The following FXYD3 variants were observed in gnomAD, a reference collection of about 807,000 sequenced individuals.
FXYD3 encodes the protein FXYD domain containing ion transport regulator 3.
A neutral mutation model predicts 19.2 loss-of-function variants in FXYD3; 13 were observed. The observed-to-expected ratio is 0.68, with a 90% confidence interval of 0.44 to 1.08. The LOEUF (loss-of-function observed/expected upper bound fraction) is 1.08, where lower values mean the gene tolerates loss of function less well. Ranked by LOEUF, FXYD3 falls within the 50% of genes least tolerant of loss-of-function variation. The pLI, the probability that FXYD3 is intolerant of heterozygous loss-of-function variation, is 0.00. For synonymous variants in FXYD3, 48 were observed against 38.9 expected (o/e 1.23, Z -0.87); for missense variants, 101 against 109.4 (o/e 0.92, Z 0.34).
chr19:35,117,342 G>T (rs1194862570), intron 2 of FXYD3: 6 of 1,509,898 alleles, frequency 4.0e-6, no homozygotes, highest in Middle Eastern at 1.7e-4. Context: ...GCAGGCCAGA[G>T]GTGGCTTGGA....
intron 8 of FXYD3, 36 bp downstream of exon 8, chr19:35,123,344 G>A (rs921936): frequency 2.5e-6 from 4 of 1,604,944 alleles, no homozygotes; most frequent in Non-Finnish European, 3.4e-6. Context: ...GGGGAACACG[G>A]AAGTGGTGTG....
At chr19:35,118,522 A>T (rs1179451863) in intron 2 of FXYD3, 1 of 988,896 alleles carries the variant, frequency 1.0e-6, no homozygotes, top group Non-Finnish European at 1.2e-6. Context: ...GGAGAGAGAA[A>T]CGAGTTCCTT....
Position 35,122,818 on chromosome 19 carries a change from A to G in FXYD3, c.151A>G (p.Met51Val), listed in dbSNP as rs550801783. The change falls in exon 6 of 9, where the codon ATG becomes GTG. Residue 51 changes from methionine (M) to valine (V), a missense_variant. By Grantham distance (21) the Met-to-Val change is conservative. Transcript: ENST00000604404. The part of the protein sequence containing the change: ...GLICAGVLCA[M>V]GIIIVMSAKC... ...CATCTGCGCTGGGGTTCTGTGCGCC[A>G]TGGGCATCATCATCGTCATGAGTGA... 1 of 1,614,034 alleles carries G rather than the reference A, an allele frequency of 6.2e-7. No homozygotes were observed. The highest frequency in any genetic ancestry group is 2.2e-5 in the East Asian group (1 of 44,880).
intron 5 of FXYD3, chr19:35,121,679 C>A: frequency 2.5e-6 from 1 of 407,498 alleles, no homozygotes; most frequent in South Asian, 5.6e-5. Flanking sequence ...ACACAGCAGA[C>A]ATACTGCCAG....
intron 3 of FXYD3, among the ~76,000 whole-genome samples, chr19:35,120,526 C>T (rs1287371603): frequency 6.6e-6 from 1 of 152,220 alleles, no homozygotes; most frequent in African/African-American, 2.4e-5. Flanking sequence ...GGATTACAGG[C>T]ACACTTTTTG....
intron 7 of FXYD3, 136 bp downstream of exon 7, chr19:35,123,090 G>T (rs1183721426): frequency 4.1e-6 from 6 of 1,457,714 alleles, no homozygotes; most frequent in Non-Finnish European, 5.4e-6. Context: ...CAGGTTTATT[G>T]TTTCTAGCTG....
In FXYD3 at chr19:35,121,124, G is replaced by A. The variant is rs1230827772; in HGVS notation, c.73+14G>A. On this transcript the variant is annotated intron_variant, in intron 4 of 8. Coordinates refer to ENST00000604404, the MANE Select transcript of FXYD3 (RefSeq NM_005971.4). ...ATGACCTAGAAGGTGAGTCAGACTG[G>A]ACTCTCACCCGTCACACCCCCAAAT... 2.5e-6 allele frequency: 4 copies of A among 1,613,612 alleles called. No individual in the cohort carries two copies. In the African/African-American group the frequency reaches 5.3e-5, roughly 22 times the overall value.
At chr19:35,119,556 G>A (rs545854832) in intron 3 of FXYD3, 140 bp downstream of exon 3, 38 of 726,076 alleles carry the variant, frequency 5.2e-5, no homozygotes, top group Admixed American at 1.2e-4. Context: ...GGTAAGAAAA[G>A]TCAGACTAGT....
chr19:35,123,869 A>G lies in FXYD3; in HGVS notation c.*412A>G. The G allele has an allele frequency of 3.9e-6, 1 of 255,486 alleles. No individual in the cohort carries two copies. The highest frequency in any genetic ancestry group is 9.1e-5 in the East Asian group (1 of 10,974). The allele number at this position is 255,486 out of a possible 1,614,324, so 15.8% of individuals were successfully genotyped here. A position where few individuals can be genotyped will look rare whatever the true frequency, so the allele number is the denominator to read the frequency against. On this transcript the variant is annotated 3_prime_UTR_variant, in exon 9 of 9. Coordinates refer to ENST00000604404, the MANE Select transcript of FXYD3 (RefSeq NM_005971.4). Reference sequence around the variant, plus strand: ...CCTCATATGCAATTTGGGATTTACTAGTAGCCAAAAGGAATGAAAGAGAGC... The same window carrying G: ...CCTCATATGCAATTTGGGATTTACTGGTAGCCAAAAGGAATGAAAGAGAGC...
At chr19:35,117,853 C>CG (rs11419732) in intron 2 of FXYD3, among the ~76,000 whole-genome samples, 151,554 of 151,700 alleles carry the variant, frequency 1, 75,705 homozygotes, top group Middle Eastern at 1. Flanking sequence ...CCCTGGGGTG[C>CG]CAGGCAGAGG....
chr19:35,117,466 T>A (rs1437040852), intron 2 of FXYD3: 1 of 1,157,358 alleles, frequency 8.6e-7, no homozygotes, highest in East Asian at 3.1e-5. Flanking sequence ...TGTGGGCTAA[T>A]AATAGTGCCC....
In FXYD3 at chr19:35,123,664, T is replaced by C; in HGVS notation, c.*207T>C. On this transcript the variant is annotated 3_prime_UTR_variant, in exon 9 of 9. Transcript: ENST00000604404. ...TGATTGTGCCTCTGCCCAAGCAGCC[T>C]GGAGACTTCCTATGTGTGCATTGGG... 1 of 611,810 alleles carries C rather than the reference T, an allele frequency of 1.6e-6. No homozygotes were observed. The highest frequency in any genetic ancestry group is 2.9e-6 in the Non-Finnish European group (1 of 345,894). 37.9% of individuals were successfully genotyped at this position (611,810 alleles called of 1,614,324 possible). A position where few individuals can be genotyped will look rare whatever the true frequency, so the allele number is the denominator to read the frequency against.
chr19:35,117,253 G>A lies in FXYD3; in HGVS notation c.-15+894G>A. The A allele has an allele frequency of 4.0e-6, 6 of 1,486,042 alleles. No homozygotes were observed. In the South Asian group the frequency reaches 6.8e-5, roughly 17 times the overall value. The allele number at this position is 1,486,042 out of a possible 1,614,324, so 92.1% of individuals were successfully genotyped here. ...GAAGCATGGGACTGGACGTTGTTTT[G>A]CAGAGGCTGGGGCGAGGAGGATACC... On this transcript the variant is annotated intron_variant, in intron 2 of 8. Transcript: ENST00000604404.
At chr19:35,118,781 A>C (rs1799302938) in intron 2 of FXYD3, among the ~76,000 whole-genome samples, 1 of 151,922 alleles carries the variant, frequency 6.6e-6, no homozygotes, top group South Asian at 2.1e-4. Flanking sequence ...TCCTCCACAC[A>C]CCACCCCACC....
At chr19:35,118,896 G>A (rs937597054) in intron 2 of FXYD3, among the ~76,000 whole-genome samples, 4 of 152,198 alleles carry the variant, frequency 2.6e-5, no homozygotes, top group African/African-American at 7.2e-5. Context: ...CCTGGGAAGC[G>A]GGCCTCCTGC....
At chr19:35,117,237 G>C (rs2064911451) in intron 2 of FXYD3, 1 of 1,475,922 alleles carries the variant, frequency 6.8e-7, no homozygotes, top group Non-Finnish European at 8.9e-7. Context: ...GGAAGCATGG[G>C]ACTGGACGTT....
intron 1 of FXYD3, 72 bp downstream of exon 1, chr19:35,116,031 C>T (rs1015561624): frequency 6.3e-6 from 1 of 158,016 alleles, no homozygotes; most frequent in Non-Finnish European, 1.4e-5. Context: ...CAGAACCTTC[C>T]CCATTCAAGG....
At chr19:35,120,626 A>G (rs2065020300) in intron 3 of FXYD3, among the ~76,000 whole-genome samples, 1 of 152,224 alleles carries the variant, frequency 6.6e-6, no homozygotes, top group Non-Finnish European at 1.5e-5. Flanking sequence ...TATAATAGTG[A>G]GTCATTTTCA....
chr19:35,121,778 G>C, intron 5 of FXYD3: 1 of 161,596 alleles, frequency 6.2e-6, no homozygotes. Flanking sequence ...CTGCTCAAAT[G>C]CAGCCCCCTG....
Sources: allele counts gnomAD v4.1 joint callset (sites outside exome capture counted in the v4.1 genomes callset), GRCh38; gene constraint gnomAD v4.1.1; transcripts MANE v1.5; gene names NCBI Gene and HGNC (gene_info 2026-07-23, HGNC 2026-07-21).